The following USP36 variants were observed in gnomAD, a reference collection of about 807,000 sequenced individuals.
The protein encoded by USP36 is ubiquitin carboxyl-terminal hydrolase 36.
USP36 carries 59 observed loss-of-function variants against 111.5 expected under a neutral mutation model. The ratio of observed to expected loss-of-function variants is 0.53; its 90% confidence interval spans 0.43 to 0.66. The LOEUF is 0.66. USP36 is among the 30% of genes least tolerant of loss of function. The pLI is 0.00. For missense variants in USP36, 1,488 were observed against 1,468.0 expected, an observed-to-expected ratio of 1.01 and a Z score of -0.22; for synonymous variants, 628 against 581.0, an observed-to-expected ratio of 1.08 and a Z score of -1.16.
At chr17:78,827,222 A>C in intron 6 of USP36, 23 bp downstream of exon 6, 2 of 712,426 alleles carry the variant, frequency 2.8e-6, no homozygotes, top group East Asian at 1.1e-4. Context: ...AAGCCCTGGG[A>C]GGGTGGGTGG....
chr17:78,837,632 C>T (rs2068806893), intron 2 of USP36, among the ~76,000 whole-genome samples: 1 of 152,150 alleles, frequency 6.6e-6, no homozygotes, highest in Admixed American at 6.5e-5. Flanking sequence ...ACCACTTGCC[C>T]TCCCCTACCC....
At position 78,818,740 on chromosome 17, in the gene USP36, A is replaced by G; in HGVS notation, c.950T>C (p.Ile317Thr). ...GGTTAAGACGTTGGATGTTCTGTGG[A>G]TGGTGAAGCGCTTGCTGGCTGGAAC... ...KKVPASKRFTIHRTSNVLTLS... is the reference protein window; with the variant it reads ...KKVPASKRFTTHRTSNVLTLS... The change falls in exon 10 of 21, where the codon ATC becomes ACC. Residue 317 changes from isoleucine to threonine, a missense_variant. Physicochemically the swap from Ile to Thr is moderately conservative, Grantham distance 89. Transcript: ENST00000449938. 6.2e-7 allele frequency: 1 copy of G among 1,614,054 alleles called. No homozygotes were observed. Among genetic ancestry groups the G allele is most frequent in the Non-Finnish European group, 8.5e-7 (1 of 1,179,926 alleles).
intron 2 of USP36, among the ~76,000 whole-genome samples, chr17:78,836,878 C>T (rs1468732240): frequency 6.6e-6 from 1 of 152,136 alleles, no homozygotes; most frequent in African/African-American, 2.4e-5. Flanking sequence ...GTCAGATGAG[C>T]ATGCATGTCT....
intron 8 of USP36, 29 bp from the exon 9 acceptor site, chr17:78,820,041 T>C: frequency 6.2e-7 from 1 of 1,610,570 alleles, no homozygotes; most frequent in Non-Finnish European, 8.5e-7. Flanking sequence ...GGGAGTAAAA[T>C]ACACAGCAGA....
At chr17:78,816,667 G>A (rs368230256) in intron 10 of USP36, among the ~76,000 whole-genome samples, 1 of 151,646 alleles carries the variant, frequency 6.6e-6, no homozygotes, top group Non-Finnish European at 1.5e-5. Context: ...TGTAGAGACA[G>A]GGTCTCACTA....
intron 13 of USP36, among the ~76,000 whole-genome samples, chr17:78,811,351 G>C (rs1599018122): frequency 6.6e-6 from 1 of 151,932 alleles, no homozygotes; most frequent in South Asian, 2.1e-4. Context: ...TCCTCTCTCT[G>C]TATGTATATG....
intron 2 of USP36, among the ~76,000 whole-genome samples, chr17:78,836,871 A>G (rs1254723840): frequency 2.6e-5 from 4 of 152,152 alleles, no homozygotes; most frequent in Admixed American, 2.0e-4. Context: ...CATGCAGGTC[A>G]GATGAGCATG....
chr17:78,840,007 G>A (rs1216143975), intron 1 of USP36, among the ~76,000 whole-genome samples: 2 of 152,214 alleles, frequency 1.3e-5, no homozygotes, highest in African/African-American at 4.8e-5. Context: ...ACCACGTGCT[G>A]GGGAGAGGAG....
chr17:78,798,750 C>T lies in USP36; in HGVS notation c.3240+158G>A, dbSNP rs965419859. On this transcript the variant is annotated intron_variant, in intron 19 of 20. Transcript: ENST00000449938. This position sits in a 1 kb window ranked among gnomAD's most constrained non-coding sequence, Gnocchi z 5.1. Reference sequence around the variant, plus strand: ...GGGGCGGAAGCTGCGAGGATGCATGCCCTGTCCATGGCCACACGCCCGGAC... The same window carrying T: ...GGGGCGGAAGCTGCGAGGATGCATGTCCTGTCCATGGCCACACGCCCGGAC... Among the ~76,000 whole-genome samples, 2 of 152,190 alleles carry T rather than the reference C, an allele frequency of 1.3e-5. No individual in the cohort carries two copies. Among genetic ancestry groups the T allele is most frequent in the Non-Finnish European group, 2.9e-5 (2 of 68,030 alleles).
intron 3 of USP36, among the ~76,000 whole-genome samples, chr17:78,790,493 AT>A (rs966995334): frequency 1.3e-5 from 2 of 151,890 alleles, no homozygotes; most frequent in African/African-American, 4.8e-5. Flanking sequence ...GGGTTTCACT[AT>A]GTTAGCCAGG....
intron 13 of USP36, among the ~76,000 whole-genome samples, chr17:78,810,973 G>A (rs7209141): frequency 0.059 from 9,002 of 151,780 alleles, 865 homozygotes; most frequent in African/African-American, 0.2. Flanking sequence ...AATTAGCCGG[G>A]AGTGCTGGCG....
rs1360015412 is a variant in USP36 at position 78,806,843 on chromosome 17, C to G, written c.2085+116G>C. 5 of 1,399,354 alleles carry G rather than the reference C, an allele frequency of 3.6e-6. No individual in the cohort carries two copies. The African/African-American group carries it at 4.3e-5, about 12-fold the overall frequency. 86.7% of individuals were successfully genotyped at this position (1,399,354 alleles called of 1,614,324 possible). On this transcript the variant is annotated intron_variant, in intron 14 of 20. Transcript: ENST00000449938. ...AACGACTAAAAGACACTTTGTTCCT[C>G]TAACATGAGGGAGGCCAAAGCCCCC...
At chr17:78,813,469 G>GCATTGGC (rs1483730730) in intron 12 of USP36, among the ~76,000 whole-genome samples, 3 of 152,180 alleles carry the variant, frequency 2.0e-5, no homozygotes, top group Non-Finnish European at 4.4e-5. Flanking sequence ...ACGGGAAGGG[G>GCATTGGC]CATTGGCTGG....
At position 78,835,332 on chromosome 17, in the gene USP36, G is replaced by A. The variant is rs61737840; in HGVS notation, c.423C>T (p.Thr141=). 1.8e-3 allele frequency: 2,843 copies of A among 1,614,244 alleles called. 41 individuals carry two copies. The African/African-American group carries it at 0.033, about 18-fold the overall frequency. Residue 141 remains threonine (T), a synonymous_variant, in exon 4 of 21, where the codon ACC becomes ACT. Coordinates refer to ENST00000449938, the MANE Select transcript of USP36 (RefSeq NM_001385174.1). ...CFLNATIQCL[T]YTPPLANYLL... is the part of the protein sequence containing the mutation. ...GGTAGTTGGCTAGAGGTGGTGTGTA[G>A]GTCAAGCACTGGATGGTGGCATTGA...
chr17:78,806,300 C>CA lies in USP36; in HGVS notation c.2086-15dup. The CA allele has an allele frequency of 6.2e-7, 1 of 1,612,608 alleles. No individual in the cohort carries two copies. The highest frequency in any genetic ancestry group is 8.5e-7 in the Non-Finnish European group (1 of 1,179,640). On this transcript the variant is annotated splice_polypyrimidine_tract_variant and intron_variant, in intron 14 of 20. Transcript: ENST00000449938. ...CAGGGTGCTGGCCTGCAGTTATCGA[C>CA]ATAAATAAAAACTTGGTGGTCTAAA...
Position 78,806,981 on chromosome 17 carries a change from T to C in USP36, c.2063A>G (p.Lys688Arg). The change falls in exon 14 of 21, where the codon AAA becomes AGA. Residue 688 changes from lysine to arginine, a missense_variant. Physicochemically the swap from Lys to Arg is conservative, Grantham distance 26. Transcript: ENST00000449938. ...CACCTTCTTGGCAGAAAGGGCCAGT[T>C]TTTTGGCTGGTGGAGGAGACATGGT... is the stretch of plus-strand genomic sequence containing the variant. Reference protein sequence around the residue: ...ASTMSPPPAKKLALSAKKAST... With the variant: ...ASTMSPPPAKRLALSAKKAST... The C allele has an allele frequency of 1.2e-6, 2 of 1,614,082 alleles. No homozygotes were observed. The highest frequency in any genetic ancestry group is 1.7e-6 in the Non-Finnish European group (2 of 1,179,956).
In USP36 at chr17:78,818,754, G is replaced by C; in HGVS notation, c.936C>G (p.Ser312Arg). 2 of 1,614,012 alleles carry C rather than the reference G, an allele frequency of 1.2e-6. No homozygotes were observed. Among genetic ancestry groups the C allele is most frequent in the Non-Finnish European group, 1.7e-6 (2 of 1,179,908 alleles). The change falls in exon 10 of 21, where the codon AGC (serine) becomes AGG (arginine). Residue 312 changes from serine (S) to arginine (R), a missense_variant. Physicochemically the swap from Ser to Arg is moderately radical, Grantham distance 110. This residue lies in a region of USP36 where 196 missense variants were observed against 264.4 expected (regional missense o/e 0.74). Transcript: ENST00000449938. ...CAKCKKKVPASKRFTIHRTSN... is the reference protein window; with the variant it reads ...CAKCKKKVPARKRFTIHRTSN... ...ATGTTCTGTGGATGGTGAAGCGCTT[G>C]CTGGCTGGAACCTTCTTCTTGCATC...
intron 10 of USP36, among the ~76,000 whole-genome samples, chr17:78,817,498 T>C (rs2094215516): frequency 6.6e-6 from 1 of 152,150 alleles, no homozygotes; most frequent in Non-Finnish European, 1.5e-5. Flanking sequence ...CTCATGCCTG[T>C]TATCCCAGCA....
chr17:78,822,591 C>G (rs554990532), intron 6 of USP36, among the ~76,000 whole-genome samples: 4 of 152,330 alleles, frequency 2.6e-5, no homozygotes, highest in Admixed American at 2.6e-4. Flanking sequence ...CATTCATGTC[C>G]CCCGCACCGC....
Sources: gnomAD v4.1 joint callset for allele counts (sites outside exome capture counted in the v4.1 genomes callset) on GRCh38, gnomAD v4.1.1 for gene constraint, gnomAD v4.1.1 regional missense constraint, Gnocchi (gnomAD v3.1) non-coding constraint, MANE v1.5 for transcripts, NCBI Gene and HGNC (gene_info 2026-07-23, HGNC 2026-07-21) for gene names.